ADAMTS10: variants seen among roughly 807,000 people sequenced by gnomAD.
The protein encoded by ADAMTS10 is ADAM metallopeptidase with thrombospondin type 1 motif 10, also known as A disintegrin and metalloproteinase with thrombospondin motifs 10.
In ADAMTS10, 48 loss-of-function variants were observed where a neutral mutation model predicts 135.9. The observed-to-expected ratio is 0.35, with a 90% CI of 0.28 to 0.45. ADAMTS10 has a LOEUF of 0.45. Ranked by LOEUF, ADAMTS10 falls within the 20% of genes least tolerant of loss-of-function variation. The pLI, the probability that ADAMTS10 is intolerant of heterozygous loss-of-function variation, is 1.00. For synonymous variants in ADAMTS10, 621 were observed against 647.5 expected, an observed-to-expected ratio of 0.96 and a Z score of 0.62; for missense variants, 1,131 against 1,565.2, an observed-to-expected ratio of 0.72 and a Z score of 4.68.
intron 1 of ADAMTS10, among the ~76,000 whole-genome samples, chr19:8,609,972 C>G (rs938064896): frequency 6.6e-6 from 1 of 151,964 alleles, no homozygotes; most frequent in East Asian, 1.9e-4. Flanking sequence ...AACACACACT[C>G]ATTTACACGC....
At position 8,594,198 on chromosome 19, in the gene ADAMTS10, A is replaced by G. The variant is rs549120173; in HGVS notation, c.1480-1328T>C. Among the ~76,000 whole-genome samples the G allele has an allele frequency of 2.4e-4, 36 of 152,310 alleles. 1 individual carries two copies. The South Asian group carries it at 6.6e-3, about 28-fold the overall frequency. On this transcript the variant is annotated intron_variant, in intron 12 of 25. Coordinates refer to ENST00000597188, the MANE Select transcript of ADAMTS10 (RefSeq NM_030957.4). ...GCACTGTGGCATATTTGAGTTGTGC[A>G]GAGACCTCAATTCTGCTACCAACTT...
At chr19:8,586,067 T>G (rs2042424141) in intron 22 of ADAMTS10, 55 bp downstream of exon 22, 25 of 1,611,062 alleles carry the variant, frequency 1.6e-5, no homozygotes, top group Non-Finnish European at 2.0e-5. Flanking sequence ...CGCTCTTGAC[T>G]CCAGGGAGTA....
intron 1 of ADAMTS10, among the ~76,000 whole-genome samples, chr19:8,609,756 G>T (rs998509023): frequency 6.6e-6 from 1 of 151,958 alleles, no homozygotes; most frequent in Admixed American, 6.6e-5. Context: ...AGTGGGCGGC[G>T]CCACTCCCAC....
intron 1 of ADAMTS10, among the ~76,000 whole-genome samples, 177 bp from the exon 2 acceptor site, chr19:8,608,425 T>C (rs1252753182): frequency 6.6e-6 from 1 of 152,122 alleles, no homozygotes; most frequent in East Asian, 1.9e-4. Flanking sequence ...ACCCACCTCC[T>C]CTCCCTCTCC....
At chr19:8,592,977 C>A (rs1422023860) in intron 12 of ADAMTS10, 107 bp from the exon 13 acceptor site, 3 of 1,052,824 alleles carry the variant, frequency 2.8e-6, no homozygotes, top group Non-Finnish European at 4.3e-6. Flanking sequence ...GGTCCCAGAG[C>A]AGAGAGCCCG....
At chr19:8,593,404 C>T (rs2042566912) in intron 12 of ADAMTS10, 1 of 161,166 alleles carries the variant, frequency 6.2e-6, no homozygotes, top group Non-Finnish European at 1.4e-5. Flanking sequence ...ACGGCCTCAT[C>T]TCTAGTTTTT....
chr19:8,600,723 C>A (rs2042659283), intron 6 of ADAMTS10, among the ~76,000 whole-genome samples: 2 of 152,088 alleles, frequency 1.3e-5, no homozygotes, highest in Admixed American at 6.6e-5. Flanking sequence ...TGGTCTCCAT[C>A]TCCTGACCTT....
Position 8,589,977 on chromosome 19 carries a change from G to A in ADAMTS10, c.1812C>T (p.Gly604=). The A allele has an allele frequency of 6.2e-7, 1 of 1,613,746 alleles. No homozygotes were observed. The highest frequency in any genetic ancestry group is 1.1e-5 in the South Asian group (1 of 91,082). ...RSCNTDDCPP[G]SQDFREVQCS... is the part of the protein sequence containing the mutation. The stretch of plus-strand genomic sequence containing the variant: ...ACTGCACTTCTCTGAAGTCCTGGGA[G>A]CCAGGGGGACAGTCCTGGGGGCAGG... The change falls in exon 16 of 26, where the codon GGC becomes GGT. Residue 604 remains glycine (G), a synonymous_variant. Coordinates refer to ENST00000597188, the MANE Select transcript of ADAMTS10 (RefSeq NM_030957.4).
chr19:8,590,128 G>A lies in ADAMTS10; in HGVS notation c.1798-137C>T, dbSNP rs572205955. 1.0e-5 allele frequency: 7 copies of A among 680,068 alleles called. 1 individual carries two copies. Among genetic ancestry groups the A allele is most frequent in the East Asian group, 5.2e-5 (2 of 38,170 alleles). The allele number at this position is 680,068 out of a possible 1,614,324, so 42.1% of individuals were successfully genotyped here. A position where few individuals can be genotyped will look rare whatever the true frequency, so the allele number is the denominator to read the frequency against. On this transcript the variant is annotated intron_variant, in intron 15 of 25. Coordinates refer to ENST00000597188, the MANE Select transcript of ADAMTS10 (RefSeq NM_030957.4). ...CAGGGAGGAGGCTGTGGTGGTCTGC[G>A]TGAGACTAGGCCTGGAAGGTAGCCT...
chr19:8,591,731 T>G, intron 15 of ADAMTS10, 69 bp downstream of exon 15: 1 of 1,584,576 alleles, frequency 6.3e-7, no homozygotes, highest in East Asian at 2.2e-5. Context: ...TGAGCCACGG[T>G]GCCCGGCCTC....
chr19:8,600,713 T>G (rs542734271), intron 6 of ADAMTS10, among the ~76,000 whole-genome samples: 1 of 151,964 alleles, frequency 6.6e-6, no homozygotes, highest in Non-Finnish European at 1.5e-5. Flanking sequence ...TTAGCCAGGA[T>G]GGTCTCCATC....
chr19:8,600,750 G>A (rs1600116038), intron 6 of ADAMTS10, among the ~76,000 whole-genome samples, 178 bp downstream of exon 6: 4 of 151,988 alleles, frequency 2.6e-5, no homozygotes, highest in South Asian at 4.2e-4. Context: ...TGCCCGCCTT[G>A]GCCTCCCGAA....
Position 8,580,661 on chromosome 19 carries a change from G to T in ADAMTS10, c.*232C>A, listed in dbSNP as rs1020607187. ...TCCCCAGACCCACCCTGGAGGGGGG[G>T]TCTCACTATGTGAACTGGAAGGGGC... On this transcript the variant is annotated 3_prime_UTR_variant, in exon 26 of 26. Coordinates refer to ENST00000597188, the MANE Select transcript of ADAMTS10 (RefSeq NM_030957.4). 5.7e-6 allele frequency: 3 copies of T among 529,228 alleles called. No homozygotes were observed. The highest frequency in any genetic ancestry group is 1.0e-5 in the Non-Finnish European group (3 of 292,076). The allele number at this position is 529,228 out of a possible 1,614,324, so 32.8% of individuals were successfully genotyped here.
In ADAMTS10 at chr19:8,605,160, C is replaced by T. The variant is rs147207910; in HGVS notation, c.287G>A (p.Arg96His). The change falls in exon 4 of 26, where the codon CGT (arginine) becomes CAT (histidine). Residue 96 changes from arginine to histidine, a missense_variant. By Grantham distance (29) the Arg-to-His change is conservative. Transcript: ENST00000597188. The surrounding 1 kb of genome is among the most constrained non-coding windows in gnomAD (Gnocchi z 7.7). The stretch of plus-strand genomic sequence containing the variant: ...CACGGAGACGTGCCCTGCCAGTAGA[C>T]GGGAGCTGCGGGTCAGGTTCAGCAG... ...HFLLNLTRSS[R>H]LLAGHVSVEY... The T allele has an allele frequency of 1.7e-5, 27 of 1,613,850 alleles. No individual in the cohort carries two copies. Among genetic ancestry groups the T allele is most frequent in the Middle Eastern group, 1.6e-4 (1 of 6,084 alleles).
In ADAMTS10 at chr19:8,605,391, C is replaced by T. The variant is rs371149107; in HGVS notation, c.89-33G>A. The T allele has an allele frequency of 6.4e-6, 10 of 1,558,380 alleles. No homozygotes were observed. The highest frequency in any genetic ancestry group is 5.9e-5 in the South Asian group (5 of 85,302). The stretch of plus-strand genomic sequence containing the variant: ...TGAGGGTCAGAGGCCTGGGGTGGGC[C>T]CTGGTCTTATTGGACCCCTGTGTCC... On this transcript the variant is annotated intron_variant, in intron 3 of 25. Coordinates refer to ENST00000597188, the MANE Select transcript of ADAMTS10 (RefSeq NM_030957.4). The surrounding 1 kb of genome is among the most constrained non-coding windows in gnomAD (Gnocchi z 7.7).
At chr19:8,599,595 T>C (rs1214353808) in intron 6 of ADAMTS10, among the ~76,000 whole-genome samples, 1 of 151,866 alleles carries the variant, frequency 6.6e-6, no homozygotes, top group Non-Finnish European at 1.5e-5. Context: ...CCTCCCAAAG[T>C]GCTGGGATTA....
chr19:8,608,286 G>A (rs901865236), intron 1 of ADAMTS10, 38 bp from the exon 2 acceptor site: 1 of 152,392 alleles, frequency 6.6e-6, no homozygotes, highest in Admixed American at 6.6e-5. Flanking sequence ...AGCCGGGCTG[G>A]TCTTCAGCAC....
chr19:8,589,863 C>T, intron 16 of ADAMTS10, 26 bp downstream of exon 16: 1 of 1,604,412 alleles, frequency 6.2e-7, no homozygotes. Flanking sequence ...TTCACGGCCC[C>T]ACAGCCTTTG....
At chr19:8,609,216 T>TA (rs1555743110) in intron 1 of ADAMTS10, among the ~76,000 whole-genome samples, 12 of 135,174 alleles carry the variant, frequency 8.9e-5, no homozygotes, top group African/African-American at 3.3e-4. Flanking sequence ...GCATTATGGC[T>TA]TGTGAGTGTG....
Sources: allele counts gnomAD v4.1 joint callset (sites outside exome capture counted in the v4.1 genomes callset), GRCh38; gene constraint gnomAD v4.1.1; non-coding constraint Gnocchi (gnomAD v3.1); transcripts MANE v1.5; gene names NCBI Gene and HGNC (gene_info 2026-07-23, HGNC 2026-07-21).